NFIL3: variants seen among roughly 807,000 people sequenced by gnomAD.
NFIL3 encodes nuclear factor, interleukin 3 regulated.
A neutral mutation model predicts 10.0 loss-of-function variants in NFIL3; 5 were observed. The observed-to-expected ratio is 0.50, with a 90% CI of 0.26 to 1.06. NFIL3 has a LOEUF of 1.06. Ranked by LOEUF, NFIL3 falls within the 50% of genes least tolerant of loss-of-function variation. NFIL3 has a pLI of 0.13. For synonymous variants in NFIL3, 202 were observed against 206.5 expected, an observed-to-expected ratio of 0.98 and a Z score of 0.19; for missense variants, 436 against 547.6, an observed-to-expected ratio of 0.80 and a Z score of 2.03.
At chr9:91,439,668 T>C in the NFIL3 span, among the ~76,000 whole-genome samples, 2 of 152,216 alleles carry the variant, frequency 1.3e-5, no homozygotes, top group South Asian at 2.1e-4. Context: ...ATCTTTATTA[T>C]GTGTGAGAAA....
At chr9:91,480,403 T>C in the NFIL3 span, among the ~76,000 whole-genome samples, 2 of 152,104 alleles carry the variant, frequency 1.3e-5, no homozygotes, top group Non-Finnish European at 1.5e-5. Context: ...ACATGAAACA[T>C]AGAATATTCT....
intron 1 of NFIL3, among the ~76,000 whole-genome samples, chr9:91,423,058 G>C (rs1009028277): frequency 6.6e-6 from 1 of 152,108 alleles, no homozygotes; most frequent in African/African-American, 2.4e-5. Flanking sequence ...ACACGCTGAC[G>C]ACAAACAGGG....
chr9:91,409,554 T>C lies in NFIL3; in HGVS notation c.1181A>G (p.Lys394Arg), dbSNP rs1391619698. The change falls in exon 2 of 2, where the codon AAA (lysine) becomes AGA (arginine). Residue 394 changes from lysine (K) to arginine (R), a missense_variant. Physicochemically the swap from Lys to Arg is conservative, Grantham distance 26. Around this residue, in one of 3 missense-constraint regions of NFIL3, gnomAD observed 338 missense variants for 399.9 expected, o/e 0.85. Transcript: ENST00000297689. ...QVTNIQDWSLKSEHWHQKELS... is the reference protein window; with the variant it reads ...QVTNIQDWSLRSEHWHQKELS... ...TTCTTTTTGATGCCAGTGCTCCGAT[T>C]TGAGAGACCAATCTTGAATGTTAGT... 1.2e-6 allele frequency: 2 copies of C among 1,614,098 alleles called. No individual in the cohort carries two copies. The highest frequency in any genetic ancestry group is 1.1e-5 in the South Asian group (1 of 91,066).
chr9:91,417,556 T>G (rs540059008), intron 1 of NFIL3, among the ~76,000 whole-genome samples: 1 of 152,280 alleles, frequency 6.6e-6, no homozygotes, highest in Non-Finnish European at 1.5e-5. Flanking sequence ...ATCTAGTATT[T>G]AAAAGCAGAG....
At chr9:91,415,247 TTTC>T (rs1244979016) in intron 1 of NFIL3, among the ~76,000 whole-genome samples, 1 of 152,216 alleles carries the variant, frequency 6.6e-6, no homozygotes, top group East Asian at 1.9e-4. Flanking sequence ...GGGTGCAGGC[TTTC>T]TTCTTGTCAT....
At chr9:91,437,451 T>A in the NFIL3 span, among the ~76,000 whole-genome samples, 2 of 152,366 alleles carry the variant, frequency 1.3e-5, no homozygotes, top group African/African-American at 4.8e-5. Flanking sequence ...ATGGTCACTA[T>A]AAAGAAGCAG....
chr9:91,481,694 T>C, the NFIL3 span, among the ~76,000 whole-genome samples: 1 of 152,144 alleles, frequency 6.6e-6, no homozygotes, highest in Non-Finnish European at 1.5e-5. Flanking sequence ...GATATTTGTA[T>C]TTTAAAATAT....
At chr9:91,460,268 G>GTTTTTTTTTTTT in the NFIL3 span, among the ~76,000 whole-genome samples, 33 of 77,074 alleles carry the variant, frequency 4.3e-4, no homozygotes, top group African/African-American at 3.5e-3. Context: ...GGAGGGCTTG[G>GTTTTTTTTTTTT]TTCTTTTTTT....
the NFIL3 span, among the ~76,000 whole-genome samples, chr9:91,455,167 G>A: frequency 6.6e-6 from 1 of 152,140 alleles, no homozygotes; most frequent in Non-Finnish European, 1.5e-5. Flanking sequence ...CACTGTTTAG[G>A]TCTTTTTGTA....
chr9:91,477,251 T>A, the NFIL3 span, among the ~76,000 whole-genome samples: 1 of 152,136 alleles, frequency 6.6e-6, no homozygotes, highest in Non-Finnish European at 1.5e-5. Flanking sequence ...CCAGCTGAGC[T>A]CCCTGTTTCC....
the NFIL3 span, among the ~76,000 whole-genome samples, chr9:91,480,145 T>A: frequency 0.16 from 10,340 of 66,422 alleles, 404 homozygotes; most frequent in East Asian, 0.42. Context: ...TAATCTAATA[T>A]TTTTTTTTTT....
At chr9:91,468,381 GTTGT>G in the NFIL3 span, among the ~76,000 whole-genome samples, 8 of 152,160 alleles carry the variant, frequency 5.3e-5, no homozygotes, top group Admixed American at 1.3e-4. Context: ...TTTTGATGGG[GTTGT>G]TTGTTTTTTT....
At chr9:91,428,419 A>G (rs1401081790), upstream of NFIL3, among the ~76,000 whole-genome samples, 1 of 152,164 alleles carries the variant, frequency 6.6e-6, no homozygotes, top group Non-Finnish European at 1.5e-5. Context: ...ACTGTCTTCC[A>G]GCCTCTGCCT....
intron 1 of NFIL3, among the ~76,000 whole-genome samples, chr9:91,415,976 CTATCTAGAACT>C (rs981731572): frequency 7.4e-4 from 112 of 152,292 alleles, no homozygotes; most frequent in African/African-American, 2.5e-3. Context: ...AGCAAAGATA[CTATCTAGAACT>C]TTTCTCCATC....
chr9:91,483,466 C>G, the NFIL3 span, among the ~76,000 whole-genome samples: 1 of 152,166 alleles, frequency 6.6e-6, no homozygotes, highest in African/African-American at 2.4e-5. Context: ...ACCAGGAACA[C>G]ACAGTCAGTT....
the NFIL3 span, among the ~76,000 whole-genome samples, chr9:91,451,621 ACC>A: frequency 6.6e-6 from 1 of 152,194 alleles, no homozygotes; most frequent in Non-Finnish European, 1.5e-5. Flanking sequence ...CAGAGAGCAC[ACC>A]TGAGAGATAA....
chr9:91,444,703 A>G, the NFIL3 span, among the ~76,000 whole-genome samples: 1 of 151,952 alleles, frequency 6.6e-6, no homozygotes, highest in Non-Finnish European at 1.5e-5. Context: ...CCTGTGATGA[A>G]CATCAGCAAT....
At position 91,423,635 on chromosome 9, in the gene NFIL3, C is replaced by T. The variant is rs1354509782; in HGVS notation, c.-173+5G>A. On this transcript the variant is annotated splice_donor_5th_base_variant and intron_variant, in intron 1 of 1. Coordinates refer to ENST00000297689, the MANE Select transcript of NFIL3 (RefSeq NM_005384.3). ...CCCCCGGCCGGCGGTGGGCGGAGCGCTTACCGTGTTCCTGCTCTCGGGCCG... is the reference window on the plus strand; with the variant it reads ...CCCCCGGCCGGCGGTGGGCGGAGCGTTTACCGTGTTCCTGCTCTCGGGCCG... 2.0e-5 allele frequency: 3 copies of T among 146,474 alleles called. No homozygotes were observed. The highest frequency in any genetic ancestry group is 7.4e-5 in the African/African-American group (3 of 40,810). 9.1% of individuals were successfully genotyped at this position (146,474 alleles called of 1,614,324 possible).
At chr9:91,444,496 CGTTTTTTGT>C in the NFIL3 span, among the ~76,000 whole-genome samples, 2 of 152,186 alleles carry the variant, frequency 1.3e-5, no homozygotes, top group South Asian at 4.2e-4. Context: ...ATATTTCCTT[CGTTTTTTGT>C]GTTTCTTGTA....
Sources: allele counts gnomAD v4.1 joint callset (sites outside exome capture counted in the v4.1 genomes callset), GRCh38; gene constraint gnomAD v4.1.1; regional missense constraint gnomAD v4.1.1; transcripts MANE v1.5; gene names NCBI Gene and HGNC (gene_info 2026-07-23, HGNC 2026-07-21).